Variants in SLC44A5 observed in about 807,000 individuals in gnomAD.
The protein encoded by SLC44A5 is choline transporter-like protein 5.
In SLC44A5, 57 loss-of-function variants were observed where a neutral mutation model predicts 101.8. That is an observed-to-expected ratio of 0.56 (90% CI 0.45 to 0.70). The LOEUF is 0.70. Among genes scored for constraint, SLC44A5 ranks in the 30% least tolerant of loss-of-function variants. SLC44A5 has a pLI of 0.00. For synonymous variants in SLC44A5, 281 were observed against 290.9 expected (o/e 0.97, Z 0.35); for missense variants, 737 against 853.1 (o/e 0.86, Z 1.70).
At chr1:75,504,651 T>C (rs924190146) in intron 2 of SLC44A5, among the ~76,000 whole-genome samples, 3 of 152,032 alleles carry the variant, frequency 2.0e-5, no homozygotes, top group Non-Finnish European at 4.4e-5. Context: ...AAGGACCAAG[T>C]AAAGGATGTC....
chr1:75,291,790 T>C (rs1653566288), intron 5 of SLC44A5, among the ~76,000 whole-genome samples: 1 of 151,914 alleles, frequency 6.6e-6, no homozygotes, highest in Admixed American at 6.6e-5. Flanking sequence ...GGCGGGTGGA[T>C]CACGAGTTCA....
intron 2 of SLC44A5, among the ~76,000 whole-genome samples, chr1:75,525,820 G>A (rs533355872): frequency 4.6e-5 from 7 of 152,024 alleles, no homozygotes; most frequent in South Asian, 2.1e-4. Context: ...CAAGGTGTTC[G>A]GAAAAAAGTT....
At chr1:75,398,836 G>A (rs903147032) in intron 2 of SLC44A5, among the ~76,000 whole-genome samples, 1 of 152,028 alleles carries the variant, frequency 6.6e-6, no homozygotes, top group South Asian at 2.1e-4. Flanking sequence ...CTGCCTTCTG[G>A]TGTCTGCGTA....
At position 75,237,078 on chromosome 1, in the gene SLC44A5, G is replaced by A. The variant is rs753386391; in HGVS notation, c.657-8C>T. On this transcript the variant is annotated splice_polypyrimidine_tract_variant and splice_region_variant and intron_variant, in intron 10 of 23. Transcript: ENST00000370859. ...AGAAGTTTATTGATACCACTGCATT[G>A]AAAGAAGGGAAAAAATCAATTATTT... 1.3e-6 allele frequency: 2 copies of A among 1,551,118 alleles called. No homozygotes were observed. Among genetic ancestry groups the A allele is most frequent in the Non-Finnish European group, 1.8e-6 (2 of 1,127,482 alleles).
intron 3 of SLC44A5, among the ~76,000 whole-genome samples, chr1:75,389,498 T>G (rs1015576095): frequency 2.0e-5 from 3 of 152,124 alleles, no homozygotes; most frequent in Non-Finnish European, 2.9e-5. Flanking sequence ...GGAATAAAAA[T>G]ATATATCAAC....
chr1:75,497,003 A>G (rs1668712572), intron 2 of SLC44A5, among the ~76,000 whole-genome samples: 1 of 152,242 alleles, frequency 6.6e-6, no homozygotes, highest in East Asian at 1.9e-4. Context: ...GAATGTGAGG[A>G]AAAGGGAACT....
chr1:75,643,412 A>G, the SLC44A5 span, among the ~76,000 whole-genome samples: 1 of 152,314 alleles, frequency 6.6e-6, no homozygotes, highest in East Asian at 1.9e-4. Context: ...TATAGAATAT[A>G]AAAACAAGCA....
At chr1:75,361,816 A>T (rs537825336) in intron 3 of SLC44A5, among the ~76,000 whole-genome samples, 1 of 151,958 alleles carries the variant, frequency 6.6e-6, no homozygotes, top group East Asian at 1.9e-4. Flanking sequence ...TCTTTTTCTG[A>T]GGTGTCCTTG....
intron 2 of SLC44A5, among the ~76,000 whole-genome samples, chr1:75,473,722 T>C (rs1254107947): frequency 6.6e-6 from 1 of 152,216 alleles, no homozygotes; most frequent in East Asian, 1.9e-4. Context: ...GTGCTTTTTC[T>C]TGACTCTAGC....
At chr1:75,659,074 T>C in the SLC44A5 span, among the ~76,000 whole-genome samples, 4 of 151,824 alleles carry the variant, frequency 2.6e-5, no homozygotes, top group African/African-American at 9.7e-5. Context: ...GATTAAATCA[T>C]GAAGATATAA....
chr1:75,701,028 C>T, the SLC44A5 span, among the ~76,000 whole-genome samples: 1 of 152,074 alleles, frequency 6.6e-6, no homozygotes, highest in Non-Finnish European at 1.5e-5. Context: ...GCTTACCAAA[C>T]AAAAGAAGTC....
intron 4 of SLC44A5, among the ~76,000 whole-genome samples, chr1:75,322,022 A>G (rs1246907335): frequency 6.6e-6 from 1 of 152,120 alleles, no homozygotes; most frequent in African/African-American, 2.4e-5. Flanking sequence ...CTTTAAAAGG[A>G]TTGTTTACAG....
intron 4 of SLC44A5, among the ~76,000 whole-genome samples, chr1:75,330,719 A>T (rs1260249825): frequency 6.6e-6 from 1 of 152,006 alleles, no homozygotes; most frequent in Non-Finnish European, 1.5e-5. Flanking sequence ...TGTTGTCTTT[A>T]TTGCCTCTGG....
chr1:75,602,040 A>G (rs1332789), intron 1 of SLC44A5, among the ~76,000 whole-genome samples: 6,712 of 152,292 alleles, frequency 0.044, 176 homozygotes, highest in East Asian at 0.1. Context: ...ACTACTCATT[A>G]GACTTCCTCA....
the SLC44A5 span, among the ~76,000 whole-genome samples, chr1:75,628,917 C>T: frequency 4.7e-4 from 72 of 152,092 alleles, 1 homozygote; most frequent in Middle Eastern, 0.01. Context: ...AAGAATTTTG[C>T]AAGGGGGGAA....
intron 13 of SLC44A5, 28 bp from the exon 14 acceptor site, chr1:75,222,488 T>A (rs1647108800): frequency 7.1e-7 from 1 of 1,411,092 alleles, no homozygotes. Flanking sequence ...AAAATCAGTC[T>A]GTAATACAAG....
upstream of SLC44A5, chr1:75,615,761 T>G (rs1675852024): frequency 1.3e-6 from 1 of 778,804 alleles, no homozygotes; most frequent in Non-Finnish European, 1.6e-6. Flanking sequence ...AGCCTTCCAC[T>G]TGGCCGCGCC....
chr1:75,441,560 C>T (rs529792402), intron 2 of SLC44A5, among the ~76,000 whole-genome samples: 12 of 150,438 alleles, frequency 8.0e-5, no homozygotes, highest in Non-Finnish European at 1.6e-4. Context: ...TAATAATAAA[C>T]ATAATTGAAT....
the SLC44A5 span, among the ~76,000 whole-genome samples, chr1:75,686,325 A>T: frequency 6.6e-6 from 1 of 152,202 alleles, no homozygotes; most frequent in African/African-American, 2.4e-5. Context: ...TATTAGGAGT[A>T]AGTGGGGAAT....
Sources: allele counts gnomAD v4.1 joint callset (sites outside exome capture counted in the v4.1 genomes callset), GRCh38; gene constraint gnomAD v4.1.1; transcripts MANE v1.5; gene names NCBI Gene and HGNC (gene_info 2026-07-23, HGNC 2026-07-21).